Variants in XCR1 observed in about 807,000 individuals in gnomAD.
XCR1 encodes X-C motif chemokine receptor 1, also known as chemokine XC receptor 1.
For missense variants in XCR1, 356 were observed against 424.2 expected (o/e 0.84, Z 1.41); for synonymous variants, 187 against 188.5 (o/e 0.99, Z 0.06).
At position 46,033,256 on chromosome 3, in the gene XCR1, T is replaced by TA. The variant is rs1375164402; in HGVS notation, c.-31-11279dup. Among the ~76,000 whole-genome samples the TA allele has an allele frequency of 3.9e-5, 6 of 152,170 alleles. 1 individual carries two copies. Among genetic ancestry groups the TA allele is most frequent in the South Asian group, 4.1e-4 (2 of 4,834 alleles). On this transcript the variant is annotated intron_variant, in intron 5 of 5. Coordinates refer to the XCR1 transcript ENST00000683768. The stretch of plus-strand genomic sequence containing the variant: ...GAAAAACAAAAATAATAAAAACTCA[T>TA]AAAAAATCCAAGGCCATCTAGATTT...
chr3:46,023,428 A>G, intron 1 of XCR1: 1 of 1,483,886 alleles, frequency 6.7e-7, no homozygotes, highest in Non-Finnish European at 9.4e-7. Context: ...TTCTGAAGCC[A>G]TGAAGCTGAC....
chr3:46,030,690 G>A (rs1216575613), upstream of XCR1, among the ~76,000 whole-genome samples: 2 of 152,238 alleles, frequency 1.3e-5, no homozygotes, highest in African/African-American at 2.4e-5. Context: ...GCTGCAGCAG[G>A]GAGGCATGAG....
intron 1 of XCR1, among the ~76,000 whole-genome samples, chr3:46,080,542 A>G (rs1698340159): frequency 6.6e-6 from 1 of 152,174 alleles, no homozygotes; most frequent in South Asian, 2.1e-4. Flanking sequence ...AGCCTGAGTG[A>G]CAAAGCGAGA....
upstream of XCR1, among the ~76,000 whole-genome samples, chr3:46,029,810 C>T (rs1441240337): frequency 6.6e-6 from 1 of 151,098 alleles, no homozygotes; most frequent in African/African-American, 2.5e-5. Context: ...ACTGAAAGTC[C>T]TTCTATTTAC....
chr3:46,082,782 A>G (rs1500006), intron 1 of XCR1, among the ~76,000 whole-genome samples: 2,006 of 152,170 alleles, frequency 0.013, 54 homozygotes, highest in African/African-American at 0.045. Flanking sequence ...TAGCCACTGC[A>G]CCTGGCCTAG....
At chr3:46,057,826 A>G (rs2125900416) in intron 4 of XCR1, among the ~76,000 whole-genome samples, 1 of 152,280 alleles carries the variant, frequency 6.6e-6, no homozygotes. Flanking sequence ...ACAATTGTGT[A>G]AGACAATTTC....
chr3:46,023,409 G>A (rs776424899), intron 1 of XCR1: 89 of 1,464,056 alleles, frequency 6.1e-5, no homozygotes, highest in African/African-American at 2.2e-4. Flanking sequence ...AAAAGGCTGC[G>A]GCATATCTTT....
intron 4 of XCR1, among the ~76,000 whole-genome samples, chr3:46,057,032 A>G (rs1290101612): frequency 1.3e-5 from 2 of 152,232 alleles, no homozygotes; most frequent in African/African-American, 4.8e-5. Flanking sequence ...ATTAAAAAGA[A>G]ACAGATTCAT....
chr3:46,030,387 T>C (rs546084459), upstream of XCR1, among the ~76,000 whole-genome samples: 2 of 152,244 alleles, frequency 1.3e-5, no homozygotes, highest in Non-Finnish European at 2.9e-5. Context: ...TGTTGGGTTT[T>C]GTTAAATGCT....
chr3:46,021,921 G>A lies in XCR1; in HGVS notation c.27C>T (p.Ser9=), dbSNP rs1305516943. Residue 9 remains serine, a synonymous_variant, in exon 2 of 2, where the codon AGC becomes AGT. Transcript: ENST00000309285. The surrounding 1 kb of genome is among the most constrained non-coding windows in gnomAD (Gnocchi z 4.7). MESSGNPE[S]TTFFYYDLQS... ...GAAGGTCATAGTAAAAAAAGGTGGT[G>A]CTCTCTGGGTTGCCTGAGGACTCCA... The A allele has an allele frequency of 1.9e-6, 3 of 1,613,454 alleles. No individual in the cohort carries two copies. The South Asian group carries it at 3.3e-5, about 18-fold the overall frequency.
intron 4 of XCR1, among the ~76,000 whole-genome samples, chr3:46,063,194 G>A (rs1018781713): frequency 1.6e-4 from 25 of 152,198 alleles, no homozygotes; most frequent in African/African-American, 6.0e-4. Flanking sequence ...ATTCAAGGAA[G>A]AGACCATTTA....
At chr3:46,054,173 G>C (rs1046224210) in intron 4 of XCR1, among the ~76,000 whole-genome samples, 1 of 152,138 alleles carries the variant, frequency 6.6e-6, no homozygotes, top group Admixed American at 6.5e-5. Flanking sequence ...CAAGGGCCCT[G>C]AGCTTTACAC....
chr3:46,023,329 C>G, intron 1 of XCR1: 1 of 1,163,762 alleles, frequency 8.6e-7, no homozygotes, highest in Non-Finnish European at 1.3e-6. Flanking sequence ...CAACCTGGCT[C>G]ATCAGCAGAG....
At chr3:46,045,678 A>G (rs1559486210) in intron 5 of XCR1, among the ~76,000 whole-genome samples, 1 of 152,218 alleles carries the variant, frequency 6.6e-6, no homozygotes, top group African/African-American at 2.4e-5. Context: ...ATCATCTTAC[A>G]CCAGTCAGAA....
chr3:46,077,099 A>G (rs762993285), intron 1 of XCR1, among the ~76,000 whole-genome samples: 3 of 152,154 alleles, frequency 2.0e-5, no homozygotes, highest in Non-Finnish European at 4.4e-5. Flanking sequence ...ACGTAGCTAT[A>G]AAATGCCATA....
chr3:46,077,147 C>T (rs1211074830), intron 1 of XCR1, among the ~76,000 whole-genome samples: 3 of 152,140 alleles, frequency 2.0e-5, no homozygotes, highest in African/African-American at 7.2e-5. Flanking sequence ...TATCCTCTAG[C>T]TCAGGGGTCC....
intron 1 of XCR1, among the ~76,000 whole-genome samples, chr3:46,025,521 A>G (rs1575409953): frequency 1.3e-5 from 2 of 152,228 alleles, no homozygotes; most frequent in Non-Finnish European, 2.9e-5. Context: ...CTTTACAAGA[A>G]TAACAAATAA....
In XCR1 at chr3:46,047,185, C is replaced by T. The variant is rs548180845; in HGVS notation, c.-32+6735G>A. Among the ~76,000 whole-genome samples, 8 of 152,310 alleles carry T rather than the reference C, an allele frequency of 5.3e-5. No individual in the cohort carries two copies. The South Asian group carries it at 1.7e-3, about 32-fold the overall frequency. The stretch of plus-strand genomic sequence containing the variant: ...TTATGCAAAGCTACAGAAGACATCA[C>T]AACAGAAGTTATTAGTGTGACCAAG... On this transcript the variant is annotated intron_variant, in intron 5 of 5. Transcript: ENST00000683768.
intron 4 of XCR1, among the ~76,000 whole-genome samples, chr3:46,060,097 A>T (rs72889703): frequency 1.5e-3 from 229 of 152,376 alleles, no homozygotes; most frequent in African/African-American, 4.9e-3. Context: ...AACATATAAC[A>T]AAATAGAAAG....
Sources: allele counts gnomAD v4.1 joint callset (sites outside exome capture counted in the v4.1 genomes callset), GRCh38; gene constraint gnomAD v4.1.1; non-coding constraint Gnocchi (gnomAD v3.1); transcripts MANE v1.5; gene names NCBI Gene and HGNC (gene_info 2026-07-23, HGNC 2026-07-21).